The following ARB2A variants were observed in gnomAD, a reference collection of about 807,000 sequenced individuals.
ARB2A encodes the protein ARB2 cotranscriptional regulator A.
the ARB2A span, among the ~76,000 whole-genome samples, chr5:94,004,998 C>CAAAA: frequency 0.014 from 170 of 12,510 alleles, 4 homozygotes; most frequent in East Asian, 0.028. Flanking sequence ...ATTTTATCAG[C>CAAAA]AAAAAAAAAA....
chr5:93,700,694 T>G, the ARB2A span, among the ~76,000 whole-genome samples: 2 of 152,148 alleles, frequency 1.3e-5, no homozygotes, highest in Non-Finnish European at 2.9e-5. Flanking sequence ...CAGTTGTGAT[T>G]ACTAATTTTT....
At chr5:93,798,653 A>G in the ARB2A span, among the ~76,000 whole-genome samples, 1 of 152,072 alleles carries the variant, frequency 6.6e-6, no homozygotes, top group Admixed American at 6.6e-5. Context: ...ATCCAATCCA[A>G]TTGCTTTTTG....
At chr5:93,645,736 T>C in the ARB2A span, among the ~76,000 whole-genome samples, 1 of 152,190 alleles carries the variant, frequency 6.6e-6, no homozygotes, top group African/African-American at 2.4e-5. Context: ...AATTTTAAAC[T>C]TGTATTTTAT....
chr5:93,714,713 G>A, the ARB2A span, among the ~76,000 whole-genome samples: 1 of 152,052 alleles, frequency 6.6e-6, no homozygotes, highest in Non-Finnish European at 1.5e-5. Context: ...CTGGTACTGA[G>A]ACCCACCAAT....
the ARB2A span, among the ~76,000 whole-genome samples, chr5:93,834,724 A>G: frequency 6.6e-6 from 1 of 152,158 alleles, no homozygotes; most frequent in African/African-American, 2.4e-5. Context: ...CAATTTTATA[A>G]ATGTGATGAT....
chr5:93,836,574 CAT>C, the ARB2A span, among the ~76,000 whole-genome samples: 2 of 152,182 alleles, frequency 1.3e-5, no homozygotes, highest in African/African-American at 2.4e-5. Flanking sequence ...TACCTTGTCA[CAT>C]GAGATGTAAT....
At chr5:93,697,493 C>T in the ARB2A span, among the ~76,000 whole-genome samples, 3 of 152,146 alleles carry the variant, frequency 2.0e-5, no homozygotes, top group Non-Finnish European at 2.9e-5. Context: ...AGCCTTTACA[C>T]TTTTAAAATA....
the ARB2A span, among the ~76,000 whole-genome samples, chr5:93,750,376 T>C: frequency 6.6e-6 from 1 of 152,122 alleles, no homozygotes; most frequent in African/African-American, 2.4e-5. Context: ...ATAAGAAAAA[T>C]ATGGCAAAAA....
the ARB2A span, chr5:93,741,346 C>G: frequency 6.2e-7 from 1 of 1,611,336 alleles, no homozygotes; most frequent in Non-Finnish European, 8.5e-7. Flanking sequence ...TATCCAGCCC[C>G]GGAATTCGTG....
chr5:93,965,200 G>C, the ARB2A span, among the ~76,000 whole-genome samples: 3 of 152,004 alleles, frequency 2.0e-5, no homozygotes, highest in African/African-American at 7.2e-5. Context: ...AGAACAGTGG[G>C]TCAGAGAGAT....
chr5:94,055,226 G>T, the ARB2A span, among the ~76,000 whole-genome samples: 1 of 152,100 alleles, frequency 6.6e-6, no homozygotes, highest in South Asian at 2.1e-4. Flanking sequence ...AGGTTAGTTA[G>T]GTTTTGAGCC....
At chr5:93,844,023 T>A in the ARB2A span, among the ~76,000 whole-genome samples, 1 of 150,510 alleles carries the variant, frequency 6.6e-6, no homozygotes, top group East Asian at 2.0e-4. Context: ...AAAGAGAAGA[T>A]ACTACAAGTT....
At chr5:93,800,340 C>A in the ARB2A span, among the ~76,000 whole-genome samples, 3 of 149,040 alleles carry the variant, frequency 2.0e-5, no homozygotes, top group Middle Eastern at 3.5e-3. Flanking sequence ...AAATCAATAC[C>A]TTTAGCTAAT....
the ARB2A span, among the ~76,000 whole-genome samples, chr5:94,063,175 G>A: frequency 6.6e-6 from 1 of 151,916 alleles, no homozygotes; most frequent in East Asian, 2.0e-4. Context: ...GAAGAGGGCA[G>A]GTCCACCTGG....
At chr5:94,059,966 T>C in the ARB2A span, among the ~76,000 whole-genome samples, 746 of 152,102 alleles carry the variant, frequency 4.9e-3, 2 homozygotes, top group Non-Finnish European at 7.6e-3. Context: ...CAAAAGAAAA[T>C]TATATGACTA....
At chr5:94,071,100 A>G in the ARB2A span, among the ~76,000 whole-genome samples, 1 of 152,226 alleles carries the variant, frequency 6.6e-6, no homozygotes, top group South Asian at 2.1e-4. Flanking sequence ...GAATGTTTTT[A>G]AAGACTGTAT....
At chr5:93,658,420 T>C in the ARB2A span, among the ~76,000 whole-genome samples, 2 of 152,072 alleles carry the variant, frequency 1.3e-5, no homozygotes, top group African/African-American at 4.8e-5. Context: ...ATATAAAAAA[T>C]GGGTTGAAGA....
chr5:93,897,749 A>C, the ARB2A span, among the ~76,000 whole-genome samples: 1 of 151,774 alleles, frequency 6.6e-6, no homozygotes, highest in Non-Finnish European at 1.5e-5. Flanking sequence ...GGGAGAGACT[A>C]CTTGCTTTTC....
chr5:93,858,231 C>T, the ARB2A span, among the ~76,000 whole-genome samples: 3 of 152,336 alleles, frequency 2.0e-5, no homozygotes, highest in East Asian at 5.8e-4. Context: ...AGGGTTCTTA[C>T]TGGAGGCTTG....
Sources: gnomAD v4.1 joint callset for allele counts (sites outside exome capture counted in the v4.1 genomes callset) on GRCh38, gnomAD v4.1.1 for gene constraint, MANE v1.5 for transcripts, NCBI Gene and HGNC (gene_info 2026-07-23, HGNC 2026-07-21) for gene names.